The following TTN variants were observed in gnomAD, a reference collection of about 807,000 sequenced individuals.
The protein encoded by TTN is connectin.
A neutral mutation model predicts 3,223.0 loss-of-function variants in TTN; 1,525 were observed. That is an observed-to-expected ratio of 0.47 (90% CI 0.45 to 0.49). The LOEUF is 0.49. Ranked by LOEUF, TTN falls within the 20% of genes least tolerant of loss-of-function variation. The probability of loss-of-function intolerance (pLI) is 0.00; values close to 1 mark genes in which losing one functional copy is unlikely to be tolerated. For synonymous variants in TTN, 14,094 were observed against 15,161.0 expected, an observed-to-expected ratio of 0.93 and a Z score of 5.17; for missense variants, 40,786 against 43,424.0, an observed-to-expected ratio of 0.94 and a Z score of 5.40.
At chr2:178,724,175 A>C (rs2078933636) in intron 72 of TTN, 32 bp from the exon 73 acceptor site, 1 of 1,588,488 alleles carries the variant, frequency 6.3e-7, no homozygotes, top group Non-Finnish European at 8.6e-7. Flanking sequence ...ACTCATCATG[A>C]TTTGAAAGAA....
intron 121 of TTN, among the ~76,000 whole-genome samples, chr2:178,691,505 T>C (rs1036358557): frequency 3.3e-5 from 5 of 152,184 alleles, no homozygotes; most frequent in African/African-American, 1.2e-4. Flanking sequence ...TCAAAAAATC[T>C]GTATGTTCCC....
chr2:178,803,111 C>T (rs2154360252), intron 2 of TTN, among the ~76,000 whole-genome samples: 1 of 152,318 alleles, frequency 6.6e-6, no homozygotes, highest in African/African-American at 2.4e-5. Flanking sequence ...TTATTTCACA[C>T]TTGGCATAAA....
In TTN at chr2:178,593,434, T is replaced by C. The variant is rs769094173; in HGVS notation, c.58774A>G (p.Thr19592Ala). The change falls in exon 299 of 363, where the codon ACC becomes GCC. Residue 19592 changes from threonine to alanine, a missense_variant. By Grantham distance (58) the Thr-to-Ala change is moderately conservative (BLOSUM62 0). Coordinates refer to ENST00000589042, the MANE Select transcript of TTN (RefSeq NM_001267550.2). The stretch of plus-strand genomic sequence containing the variant: ...CAGGTTACTAATGCAGAGTCTTTGG[T>C]AACTTCTGTAACAATTGGCTGATCA... ...APDQPIVTEV[T>A]KDSALVTWNK... is the part of the protein sequence containing the mutation. The C allele has an allele frequency of 9.3e-6, 15 of 1,613,054 alleles. No homozygotes were observed. The highest frequency in any genetic ancestry group is 1.3e-5 in the Non-Finnish European group (15 of 1,179,564).
At position 178,592,262 on chromosome 2, in the gene TTN, G is replaced by T. The variant is rs749276384; in HGVS notation, c.59642C>A (p.Pro19881His). The change falls in exon 302 of 363, where the codon CCT (proline) becomes CAT (histidine). Residue 19881 changes from proline to histidine, a missense_variant. Physicochemically the swap from Pro to His is moderately conservative, Grantham distance 77. Transcript: ENST00000589042. Reference protein sequence around the residue: ...KVLVLDKPGPPRDLEVSEIRK... With the variant: ...KVLVLDKPGPHRDLEVSEIRK... The stretch of plus-strand genomic sequence containing the variant: ...AATTTCACTGACTTCCAGATCTCTA[G>T]GTGGCCCAGGTTTATCTAAAAAGTG... 6.2e-7 allele frequency: 1 copy of T among 1,611,210 alleles called. No homozygotes were observed. The highest frequency in any genetic ancestry group is 1.1e-5 in the South Asian group (1 of 90,584).
At chr2:178,581,434 C>G in intron 316 of TTN, 65 bp downstream of exon 316, 1 of 1,351,918 alleles carries the variant, frequency 7.4e-7, no homozygotes, top group Middle Eastern at 2.0e-4. Flanking sequence ...TAAGGGAGTT[C>G]TAGTCTCCCT....
In TTN at chr2:178,757,554, C is replaced by T. The variant is rs1039409681; in HGVS notation, c.10666G>A (p.Val3556Met). ...AGATGGGCTTTACCTTTTGGAGTCA[C>T]TGTGAGTGTAGCTGCACAAGTGGCT... The part of the protein sequence containing the change: ...GEATCAATLT[V>M]TPKVQALDRQ... The change falls in exon 45 of 363, where the codon GTG becomes ATG. Residue 3556 changes from valine to methionine, a missense_variant. Val to Met is a conservative substitution (Grantham distance 21). Transcript: ENST00000589042. 4 of 1,574,492 alleles carry T rather than the reference C, an allele frequency of 2.5e-6. No individual in the cohort carries two copies. The highest frequency in any genetic ancestry group is 3.5e-6 in the Non-Finnish European group (4 of 1,157,756).
rs1461648506 is a variant in TTN at position 178,681,743 on chromosome 2, A to G, written c.33095-5T>C. ...CAGGGATAGGCTTCTCTGGTTCTTTAAAAGTACATACAAGGTATTTCATGT... is the reference window on the plus strand; with the variant it reads ...CAGGGATAGGCTTCTCTGGTTCTTTGAAAGTACATACAAGGTATTTCATGT... On this transcript the variant is annotated splice_region_variant and splice_polypyrimidine_tract_variant and intron_variant, in intron 135 of 362. Coordinates refer to ENST00000589042, the MANE Select transcript of TTN (RefSeq NM_001267550.2). 5 of 1,588,020 alleles carry G rather than the reference A, an allele frequency of 3.1e-6. No individual in the cohort carries two copies. The highest frequency in any genetic ancestry group is 8.5e-7 in the Non-Finnish European group (1 of 1,172,240).
rs762979127 is a variant in TTN at position 178,636,720 on chromosome 2, A to G, written c.41007T>C (p.Pro13669=). 7 of 1,612,996 alleles carry G rather than the reference A, an allele frequency of 4.3e-6. No individual in the cohort carries two copies. The African/African-American group carries it at 5.3e-5, about 12-fold the overall frequency. The part of the protein sequence containing the change: ...LRPGSGGEKP[P]DEAPFTYQLK... ...GCTGGTAGGTGAACGGGGCTTCATC[A>G]GGAGGTTTCTCTCCACCACTTCCTG... The change falls in exon 225 of 363, where the codon CCT becomes CCC. Residue 13669 remains proline (P), a synonymous_variant. Transcript: ENST00000589042. The surrounding 1 kb of genome is among the most constrained non-coding windows in gnomAD (Gnocchi z 4.3).
At chr2:178,735,467 C>G in intron 50 of TTN, 44 bp downstream of exon 50, 1 of 1,488,116 alleles carries the variant, frequency 6.7e-7, no homozygotes, top group Non-Finnish European at 8.9e-7. Flanking sequence ...ACTGAGGATT[C>G]CTTGCAGAGA....
intron 125 of TTN, 26 bp downstream of exon 125, chr2:178,689,027 T>TTTTTTA: frequency 8.8e-7 from 1 of 1,131,068 alleles, no homozygotes; most frequent in Non-Finnish European, 1.2e-6. Context: ...TTTTTTTTTT[T>TTTTTTA]GTCAGAGGAT....
intron 92 of TTN, 83 bp downstream of exon 92, chr2:178,713,814 G>T (rs2077059145): frequency 2.0e-6 from 3 of 1,494,862 alleles, no homozygotes; most frequent in South Asian, 1.4e-5. Context: ...TCCTATAGAA[G>T]ATGTAACAAC....
chr2:178,715,449 G>C (rs368871935), intron 89 of TTN, 44 bp downstream of exon 89: 7 of 1,566,768 alleles, frequency 4.5e-6, no homozygotes, highest in Non-Finnish European at 5.2e-6. Context: ...GACAATTAAA[G>C]AGGAGGCTAA....
intron 15 of TTN, among the ~76,000 whole-genome samples, chr2:178,784,957 T>C (rs2093058847): frequency 6.6e-6 from 1 of 152,264 alleles, no homozygotes; most frequent in African/African-American, 2.4e-5. Context: ...GTTTGGGTTC[T>C]ATTTCTTGGA....
Position 178,677,885 on chromosome 2 carries a change from C to T in TTN, c.34027G>A (p.Val11343Ile), listed in dbSNP as rs369025108. ...ACTTCCTCTTCCTGAGGTAGAGCTA[C>T]AGGAACTGGAACTGGTTCACGTTTC... is the stretch of plus-strand genomic sequence containing the variant. ...PKKREPVPVP[V>I]ALPQEEEVLF... is the part of the protein sequence containing the mutation. The change falls in exon 146 of 363, where the codon GTA (valine) becomes ATA (isoleucine). Residue 11343 changes from valine (V) to isoleucine (I), a missense_variant. By Grantham distance (29) the Val-to-Ile change is conservative. Transcript: ENST00000589042. 150 of 1,609,370 alleles carry T rather than the reference C, an allele frequency of 9.3e-5. No individual in the cohort carries two copies. The highest frequency in any genetic ancestry group is 1.3e-4 in the Non-Finnish European group (148 of 1,178,226).
intron 208 of TTN, 22 bp from the exon 209 acceptor site, chr2:178,650,856 T>C: frequency 6.3e-7 from 1 of 1,578,958 alleles, no homozygotes; most frequent in Non-Finnish European, 8.6e-7. Flanking sequence ...TTAATTCATT[T>C]TTCTTATGAG....
At chr2:178,647,613 T>G (rs780044611) in intron 213 of TTN, 149 bp from the exon 214 acceptor site, 5 of 672,408 alleles carry the variant, frequency 7.4e-6, no homozygotes, top group Non-Finnish European at 7.6e-6. Context: ...TTGGACATCC[T>G]AATTTTATAT....
In TTN at chr2:178,800,563, G is replaced by T. The variant is rs752970602; in HGVS notation, c.415C>A (p.Arg139=). The T allele has an allele frequency of 6.2e-7, 1 of 1,614,106 alleles. No homozygotes were observed. Among genetic ancestry groups the T allele is most frequent in the South Asian group, 1.1e-5 (1 of 91,082 alleles). The change falls in exon 4 of 363, where the codon CGG becomes AGG. Residue 139 remains arginine, a synonymous_variant. Transcript: ENST00000589042. ...GAGCTCTGGATTTCGGCTCCATCCC[G>T]GTAGAACTTCACCACAGGTGTAGGG... The part of the protein sequence containing the change: ...GIPTPVVKFY[R]DGAEIQSSLD...
chr2:178,617,026 A>C lies in TTN; in HGVS notation c.47876-13T>G, dbSNP rs1473767810. 1 of 1,612,054 alleles carries C rather than the reference A, an allele frequency of 6.2e-7. No homozygotes were observed. Among genetic ancestry groups the C allele is most frequent in the African/African-American group, 1.3e-5 (1 of 74,762 alleles). ...ATTGTTGGTTCAACTACAAAGAAGAAAAGTTAATGAGTTTGCAGTGCCATA... is the reference window on the plus strand; with the variant it reads ...ATTGTTGGTTCAACTACAAAGAAGACAAGTTAATGAGTTTGCAGTGCCATA... On this transcript the variant is annotated splice_polypyrimidine_tract_variant and intron_variant, in intron 255 of 362. Coordinates refer to ENST00000589042, the MANE Select transcript of TTN (RefSeq NM_001267550.2).
intron 40 of TTN, among the ~76,000 whole-genome samples, chr2:178,766,899 A>T (rs2090541827): frequency 6.6e-6 from 1 of 152,200 alleles, no homozygotes; most frequent in Non-Finnish European, 1.5e-5. Context: ...CTTCTTATTT[A>T]CTAATAAGGG....
Sources: allele counts gnomAD v4.1 joint callset (sites outside exome capture counted in the v4.1 genomes callset), GRCh38; gene constraint gnomAD v4.1.1; non-coding constraint Gnocchi (gnomAD v3.1); transcripts MANE v1.5; gene names NCBI Gene and HGNC (gene_info 2026-07-23, HGNC 2026-07-21).